CDH18: variants seen among roughly 807,000 people sequenced by gnomAD.
CDH18 encodes the protein cadherin-18.
In CDH18, 31 loss-of-function variants were observed where a neutral mutation model predicts 67.9. The observed-to-expected ratio is 0.46, with a 90% CI of 0.34 to 0.62. The LOEUF is 0.62. Among genes scored for constraint, CDH18 ranks in the 20% least tolerant of loss-of-function variants. CDH18 has a pLI of 0.01. For missense variants in CDH18, 890 were observed against 975.5 expected (o/e 0.91, Z 1.17); for synonymous variants, 362 against 347.2 (o/e 1.04, Z -0.48).
At chr5:20,123,842 G>C (rs550773346) in intron 2 of CDH18, among the ~76,000 whole-genome samples, 26 of 146,002 alleles carry the variant, frequency 1.8e-4, no homozygotes, top group African/African-American at 3.8e-4. Flanking sequence ...AGCTGAGATC[G>C]TGCTACTGCA....
intron 3 of CDH18, among the ~76,000 whole-genome samples, chr5:19,760,034 A>G (rs1160378528): frequency 6.6e-6 from 1 of 152,144 alleles, no homozygotes; most frequent in East Asian, 1.9e-4. Context: ...ACAGTGATTA[A>G]TTAGCCAATG....
rs4147387 is a variant in CDH18, at chr5:20,316,116, T to G, written c.-579-60611A>C. 3.1e-3 allele frequency among the ~76,000 whole-genome samples: 476 copies of G among 152,256 alleles called. 13 individuals are homozygous for G. In the East Asian group the frequency reaches 0.056, roughly 18 times the overall value. Reference sequence around the variant, plus strand: ...GACATACAAACTCTAAGGATTAATTTTTGTTTTCAATAAGATGAGAAGAAG... The same window carrying G: ...GACATACAAACTCTAAGGATTAATTGTTGTTTTCAATAAGATGAGAAGAAG... On this transcript the variant is annotated intron_variant, in intron 1 of 14. Transcript: ENST00000507958.
intron 9 of CDH18, among the ~76,000 whole-genome samples, chr5:19,531,987 T>C (rs920804052): frequency 6.6e-6 from 1 of 152,266 alleles, no homozygotes; most frequent in Admixed American, 6.5e-5. Context: ...CCTTTAACTT[T>C]TGTGGACGAA....
chr5:19,765,686 G>A (rs1772985451), intron 3 of CDH18, among the ~76,000 whole-genome samples: 1 of 152,054 alleles, frequency 6.6e-6, no homozygotes. Context: ...GAAGCTGTGG[G>A]TTGAGGCAAA....
At chr5:19,775,749 C>T (rs755609235) in intron 3 of CDH18, among the ~76,000 whole-genome samples, 6 of 152,064 alleles carry the variant, frequency 3.9e-5, no homozygotes, top group Non-Finnish European at 5.9e-5. Context: ...AGATGTACAT[C>T]AGCAATATAA....
chr5:19,611,946 A>ATGTGTGTGTGTGTGTG (rs1393076453), intron 6 of CDH18, among the ~76,000 whole-genome samples: 1 of 54,434 alleles, frequency 1.8e-5, no homozygotes, highest in Admixed American at 1.8e-4. Flanking sequence ...CTTTTGGATG[A>ATGTGTGTGTGTGTGTG]TGCGTGTGTG....
intron 1 of CDH18, among the ~76,000 whole-genome samples, chr5:20,259,087 C>G (rs1744457036): frequency 1.3e-5 from 2 of 152,048 alleles, no homozygotes; most frequent in Non-Finnish European, 2.9e-5. Context: ...GTGTGACTGG[C>G]TTTGAAACCA....
chr5:20,052,854 G>A (rs1480912283), intron 2 of CDH18, among the ~76,000 whole-genome samples: 3 of 152,016 alleles, frequency 2.0e-5, no homozygotes, highest in Admixed American at 2.0e-4. Flanking sequence ...CTAAGATACT[G>A]CTCTTGGGGG....
At chr5:20,339,488 C>G (rs1001530689) in intron 1 of CDH18, among the ~76,000 whole-genome samples, 1 of 152,056 alleles carries the variant, frequency 6.6e-6, no homozygotes, top group Non-Finnish European at 1.5e-5. Flanking sequence ...CTGCAAGGGA[C>G]AGTTTTAGTG....
At chr5:19,895,997 C>A (rs551793514) in intron 2 of CDH18, among the ~76,000 whole-genome samples, 2 of 124,226 alleles carry the variant, frequency 1.6e-5, no homozygotes, top group East Asian at 4.8e-4. Context: ...ATCTCTGCAA[C>A]CTGTGTCGCA....
intron 2 of CDH18, among the ~76,000 whole-genome samples, chr5:20,176,351 T>C (rs562441564): frequency 6.6e-6 from 1 of 152,314 alleles, no homozygotes; most frequent in South Asian, 2.1e-4. Context: ...TTGTATTTAA[T>C]GACAAAGAAT....
At chr5:20,480,872 A>G (rs182925287) in intron 1 of CDH18, among the ~76,000 whole-genome samples, 2 of 152,218 alleles carry the variant, frequency 1.3e-5, no homozygotes, top group South Asian at 4.1e-4. Context: ...ACAAAAAATA[A>G]AAAGTGAGAA....
chr5:20,491,996 A>G (rs1753619623), intron 1 of CDH18, among the ~76,000 whole-genome samples: 1 of 152,128 alleles, frequency 6.6e-6, no homozygotes, highest in Non-Finnish European at 1.5e-5. Context: ...TTTATTCAAT[A>G]TAATACAGGA....
intron 2 of CDH18, among the ~76,000 whole-genome samples, chr5:20,218,059 C>T (rs1013359622): frequency 4.0e-5 from 6 of 151,796 alleles, no homozygotes; most frequent in Non-Finnish European, 7.4e-5. Flanking sequence ...AACCCCAATA[C>T]GATAATAGCT....
At chr5:20,224,641 G>A (rs1383848937) in intron 2 of CDH18, among the ~76,000 whole-genome samples, 1 of 150,630 alleles carries the variant, frequency 6.6e-6, no homozygotes, top group Non-Finnish European at 1.5e-5. Context: ...CCTGCCTTTT[G>A]GCTAAAACTT....
chr5:19,574,933 G>A (rs924037912), intron 7 of CDH18, among the ~76,000 whole-genome samples: 1 of 152,090 alleles, frequency 6.6e-6, no homozygotes, highest in African/African-American at 2.4e-5. Flanking sequence ...CAGCTACTCG[G>A]GAGGCTGAGG....
intron 2 of CDH18, among the ~76,000 whole-genome samples, chr5:19,853,424 C>A (rs949436467): frequency 3.3e-5 from 5 of 152,044 alleles, no homozygotes; most frequent in Non-Finnish European, 7.4e-5. Flanking sequence ...CAGCCTTGGG[C>A]ATATACATTT....
At chr5:19,994,351 C>G (rs1800164736) in intron 2 of CDH18, among the ~76,000 whole-genome samples, 1 of 141,942 alleles carries the variant, frequency 7.0e-6, no homozygotes, top group Admixed American at 6.9e-5. Flanking sequence ...CTCTCTATCC[C>G]CTTAGTTCGA....
At chr5:19,665,439 T>C (rs1757773179) in intron 5 of CDH18, among the ~76,000 whole-genome samples, 1 of 152,094 alleles carries the variant, frequency 6.6e-6, no homozygotes, top group Non-Finnish European at 1.5e-5. Context: ...TGTGGAAAAC[T>C]GAAAGACAAC....
Sources: gnomAD v4.1 joint callset for allele counts (sites outside exome capture counted in the v4.1 genomes callset) on GRCh38, gnomAD v4.1.1 for gene constraint, MANE v1.5 for transcripts, NCBI Gene and HGNC (gene_info 2026-07-23, HGNC 2026-07-21) for gene names.